Variants in MTMR6 observed in about 807,000 individuals in gnomAD.
The protein encoded by MTMR6 is myotubularin related protein 6.
MTMR6 carries 47 observed loss-of-function variants against 80.1 expected under a neutral mutation model. The observed-to-expected ratio is 0.59, with a 90% CI of 0.46 to 0.75. The LOEUF is 0.75. Among genes scored for constraint, MTMR6 ranks in the 30% least tolerant of loss-of-function variants. The pLI is 0.00. For synonymous variants in MTMR6, 254 were observed against 253.0 expected, an observed-to-expected ratio of 1.00 and a Z score of -0.04; for missense variants, 629 against 730.9, an observed-to-expected ratio of 0.86 and a Z score of 1.61.
At position 25,251,826 on chromosome 13, in the gene MTMR6, A is replaced by G. The variant is rs769060070; in HGVS notation, c.1478+27T>C. ...AAATTGTGTTTGAGAAAATTCAAGT[A>G]TAAATACTCCAATGATGTCAACTTA... On this transcript the variant is annotated intron_variant, in intron 12 of 13. Coordinates refer to ENST00000381801, the MANE Select transcript of MTMR6 (RefSeq NM_004685.5). This position sits in a 1 kb window ranked among gnomAD's most constrained non-coding sequence, Gnocchi z 4.1. 1.9e-6 allele frequency: 3 copies of G among 1,603,138 alleles called. No homozygotes were observed. In the East Asian group the frequency reaches 6.7e-5, roughly 36 times the overall value.
At chr13:25,267,173 G>A (rs1216744717) in intron 3 of MTMR6, among the ~76,000 whole-genome samples, 2 of 151,542 alleles carry the variant, frequency 1.3e-5, no homozygotes, top group African/African-American at 4.9e-5. Context: ...CTTGAACCTG[G>A]GAGGCGGAGG....
At chr13:25,260,514 A>T (rs1957310021) in intron 6 of MTMR6, 4 of 701,342 alleles carry the variant, frequency 5.7e-6, no homozygotes, top group Non-Finnish European at 8.1e-6. Context: ...TCACTTCTAA[A>T]ATAGTGACCA....
chr13:25,268,556 T>G (rs1482592698), intron 2 of MTMR6, among the ~76,000 whole-genome samples: 1 of 152,140 alleles, frequency 6.6e-6, no homozygotes, highest in South Asian at 2.1e-4. Context: ...TGGTCTTTGC[T>G]CAAAACTCAT....
intron 5 of MTMR6, among the ~76,000 whole-genome samples, chr13:25,262,431 G>T (rs1957359712): frequency 6.6e-6 from 1 of 152,178 alleles, no homozygotes; most frequent in African/African-American, 2.4e-5. Context: ...GCAGTGGCGT[G>T]ATCACAGCTC....
intron 9 of MTMR6, among the ~76,000 whole-genome samples, chr13:25,254,838 CT>C (rs140436874): frequency 0.068 from 10,278 of 151,982 alleles, 423 homozygotes; most frequent in Admixed American, 0.094. Flanking sequence ...TATTTTAAAA[CT>C]TTTGGCTTAC....
chr13:25,249,016 C>A lies in MTMR6; in HGVS notation c.*216G>T, dbSNP rs1371863702. 2 of 548,458 alleles carry A rather than the reference C, an allele frequency of 3.6e-6. No homozygotes were observed. Among genetic ancestry groups the A allele is most frequent in the Non-Finnish European group, 6.4e-6 (2 of 314,428 alleles). 34.0% of individuals were successfully genotyped at this position (548,458 alleles called of 1,614,324 possible). On this transcript the variant is annotated 3_prime_UTR_variant, in exon 14 of 14. Transcript: ENST00000381801. ...TTGAGTAAATACATCAAATACCACTCATTTCTTACAGAACTGAATGTCATT... is the reference window on the plus strand; with the variant it reads ...TTGAGTAAATACATCAAATACCACTAATTTCTTACAGAACTGAATGTCATT...
At chr13:25,256,938 A>C (rs1218099634) in intron 9 of MTMR6, among the ~76,000 whole-genome samples, 2 of 152,338 alleles carry the variant, frequency 1.3e-5, no homozygotes, top group Non-Finnish European at 1.5e-5. Flanking sequence ...AATGGAAATA[A>C]GTCTAATTCA....
intron 9 of MTMR6, 94 bp from the exon 10 acceptor site, chr13:25,254,528 T>C (rs994172138): frequency 3.6e-6 from 3 of 839,448 alleles, no homozygotes; most frequent in African/African-American, 3.5e-5. Context: ...CAGTATTTAC[T>C]GTACACTTTT....
Position 25,258,659 on chromosome 13 carries a change from C to A in MTMR6, c.760G>T (p.Gly254Cys). ...NAMANRAAGK[G>C]YENEDNYSNI... Reference sequence around the variant, plus strand: ...GAATAGTTGTCTTCATTTTCATAACCTTTTCCAGCTGCTCTGTTGGCCATT... The same window carrying A: ...GAATAGTTGTCTTCATTTTCATAACATTTTCCAGCTGCTCTGTTGGCCATT... The change falls in exon 7 of 14, where the codon GGT becomes TGT. Residue 254 changes from glycine (G) to cysteine (C), a missense_variant. Transcript: ENST00000381801. 6.3e-7 allele frequency: 1 copy of A among 1,589,756 alleles called. No homozygotes were observed. The highest frequency in any genetic ancestry group is 1.9e-5 in the Admixed American group (1 of 53,130).
Position 25,251,972 on chromosome 13 carries a change from C to T in MTMR6, c.1359G>A (p.Lys453=), listed in dbSNP as rs765453389. The part of the protein sequence containing the change: ...KEREELKLKE[K]TYSLWPFLLE... ...AAAGAAATGGCCACAGGGAATAAGT[C>T]TTCTCCTTCAACCTTAATATAATGA... is the stretch of plus-strand genomic sequence containing the variant. Residue 453 remains lysine (K), a synonymous_variant, in exon 12 of 14, where the codon AAG becomes AAA. Coordinates refer to ENST00000381801, the MANE Select transcript of MTMR6 (RefSeq NM_004685.5). This position sits in a 1 kb window ranked among gnomAD's most constrained non-coding sequence, Gnocchi z 4.1. 4 of 1,611,504 alleles carry T rather than the reference C, an allele frequency of 2.5e-6. No individual in the cohort carries two copies. The South Asian group carries it at 4.4e-5, about 18-fold the overall frequency.
intron 1 of MTMR6, among the ~76,000 whole-genome samples, chr13:25,280,127 A>T (rs1003792769): frequency 6.6e-6 from 1 of 152,214 alleles, no homozygotes; most frequent in African/African-American, 2.4e-5. Flanking sequence ...AAAAACAGAG[A>T]TTCCTTAAGG....
intron 1 of MTMR6, among the ~76,000 whole-genome samples, chr13:25,286,803 G>A (rs969771329): frequency 1.3e-5 from 2 of 152,176 alleles, no homozygotes; most frequent in Non-Finnish European, 2.9e-5. Context: ...TGTGACACGG[G>A]ACAATGAAAT....
rs1192823034 is a variant in MTMR6, at chr13:25,251,562, T to C, written c.1605+87A>G. On this transcript the variant is annotated intron_variant, in intron 13 of 13. Transcript: ENST00000381801. The surrounding 1 kb of genome is among the most constrained non-coding windows in gnomAD (Gnocchi z 4.1). ...AAACTGCTTACTTCAGAAGTTTATGTGCTGATTTACACCAACAATACAAAT... is the reference window on the plus strand; with the variant it reads ...AAACTGCTTACTTCAGAAGTTTATGCGCTGATTTACACCAACAATACAAAT... 8.3e-7 allele frequency: 1 copy of C among 1,204,278 alleles called. No homozygotes were observed. The highest frequency in any genetic ancestry group is 2.5e-5 in the East Asian group (1 of 39,962). The allele number at this position is 1,204,278 out of a possible 1,614,324, so 74.6% of individuals were successfully genotyped here. A position where few individuals can be genotyped will look rare whatever the true frequency, so the allele number is the denominator to read the frequency against.
intron 1 of MTMR6, among the ~76,000 whole-genome samples, chr13:25,279,055 T>A (rs145395943): frequency 7.2e-5 from 11 of 152,346 alleles, no homozygotes; most frequent in South Asian, 2.1e-4. Flanking sequence ...CTGTATCTCA[T>A]TTCTTTATCT....
chr13:25,271,243 G>T (rs1274295180), intron 2 of MTMR6, among the ~76,000 whole-genome samples: 1 of 152,040 alleles, frequency 6.6e-6, no homozygotes, highest in Admixed American at 6.5e-5. Context: ...AGTTAGCTGG[G>T]GGCCTTCTGA....
intron 1 of MTMR6, among the ~76,000 whole-genome samples, chr13:25,285,397 C>CG (rs1408699026): frequency 7.3e-6 from 1 of 136,206 alleles, no homozygotes; most frequent in African/African-American, 2.8e-5. Context: ...CCGCCCCCCC[C>CG]CCCCCAATTA....
chr13:25,282,478 A>C (rs989104313), intron 1 of MTMR6, among the ~76,000 whole-genome samples: 1 of 152,180 alleles, frequency 6.6e-6, no homozygotes, highest in African/African-American at 2.4e-5. Flanking sequence ...GGAAGCAGCC[A>C]GAGGATGGAG....
At chr13:25,275,616 C>T (rs1260770381) in intron 1 of MTMR6, among the ~76,000 whole-genome samples, 1 of 151,734 alleles carries the variant, frequency 6.6e-6, no homozygotes, top group Non-Finnish European at 1.5e-5. Flanking sequence ...AATCCCAGCA[C>T]TTTGGGAGGC....
intron 3 of MTMR6, 68 bp from the exon 4 acceptor site, chr13:25,266,354 T>A: frequency 7.5e-7 from 1 of 1,334,600 alleles, no homozygotes. Flanking sequence ...ATAAATGTAA[T>A]TTTTCAGTTT....
Sources: allele counts gnomAD v4.1 joint callset (sites outside exome capture counted in the v4.1 genomes callset), GRCh38; gene constraint gnomAD v4.1.1; non-coding constraint Gnocchi (gnomAD v3.1); transcripts MANE v1.5; gene names NCBI Gene and HGNC (gene_info 2026-07-23, HGNC 2026-07-21).